Variants in AADAT observed in about 807,000 individuals in gnomAD.
AADAT encodes kynurenine/alpha-aminoadipate aminotransferase, mitochondrial.
AADAT carries 25 observed loss-of-function variants against 56.2 expected under a neutral mutation model. That is an observed-to-expected ratio of 0.44 (90% CI 0.32 to 0.62). The LOEUF (loss-of-function observed/expected upper bound fraction) is 0.62, where lower values mean the gene tolerates loss of function less well. Among genes scored for constraint, AADAT ranks in the 20% least tolerant of loss-of-function variants. The pLI, the probability that AADAT is intolerant of heterozygous loss-of-function variation, is 0.04. For missense variants in AADAT, 387 were observed against 510.5 expected, an observed-to-expected ratio of 0.76 and a Z score of 2.33; for synonymous variants, 173 against 164.7, an observed-to-expected ratio of 1.05 and a Z score of -0.39.
upstream of AADAT, chr4:170,090,628 T>C (rs1167861478): frequency 6.6e-6 from 1 of 152,224 alleles, no homozygotes; most frequent in Non-Finnish European, 1.5e-5. Context: ...AGAATTATGT[T>C]GGAAGTGAAT....
At chr4:170,073,374 A>G (rs371379328) in intron 4 of AADAT, 29 bp from the exon 5 acceptor site, 2 of 1,585,948 alleles carry the variant, frequency 1.3e-6, no homozygotes, top group South Asian at 2.3e-5. Context: ...AGCCTGAGTC[A>G]GTCATGATTA....
At chr4:170,079,759 T>C (rs1349164781) in intron 3 of AADAT, among the ~76,000 whole-genome samples, 7 of 152,128 alleles carry the variant, frequency 4.6e-5, no homozygotes, top group African/African-American at 1.4e-4. Context: ...CAAAAAGCCA[T>C]CCATATCTGA....
chr4:170,073,309 T>G lies in AADAT; in HGVS notation c.481A>C (p.Ser161Arg). ...PLGCNIINVA[S>R]DESGIVPDSL... is the part of the protein sequence containing the mutation. Reference sequence around the variant, plus strand: ...TCTGGAACAATCCCACTTTCATCACTGGCAACATTAATAATGTTGCAGCCC... The same window carrying G: ...TCTGGAACAATCCCACTTTCATCACGGGCAACATTAATAATGTTGCAGCCC... Residue 161 changes from serine (S) to arginine (R), a missense_variant, in exon 5 of 13, where the codon AGT becomes CGT. Transcript: ENST00000337664. 1 of 1,614,072 alleles carries G rather than the reference T, an allele frequency of 6.2e-7. No homozygotes were observed. Among genetic ancestry groups the G allele is most frequent in the Non-Finnish European group, 8.5e-7 (1 of 1,180,034 alleles).
intron 3 of AADAT, among the ~76,000 whole-genome samples, chr4:170,080,508 C>G (rs2622069): frequency 0.55 from 83,092 of 151,878 alleles, 24,223 homozygotes; most frequent in East Asian, 0.97. Context: ...GAGACAAAAT[C>G]GGGAGGCAGG....
chr4:170,087,275 T>C, intron 2 of AADAT, 27 bp from the exon 3 acceptor site: 1 of 1,598,388 alleles, frequency 6.3e-7, no homozygotes, highest in African/African-American at 1.3e-5. Context: ...ATATTTAAAT[T>C]CATAGTAGTA....
rs774605595 is a variant in AADAT at position 170,078,601 on chromosome 4, G to C, written c.370-18C>G. ...TCAAACACCTAACAAAAGAAGCATA[G>C]GTTAGCTTGTTAGTCAGCATAGGTT... is the stretch of plus-strand genomic sequence containing the variant. On this transcript the variant is annotated intron_variant, in intron 3 of 12. Transcript: ENST00000337664. 1.1e-5 allele frequency: 18 copies of C among 1,579,590 alleles called. No homozygotes were observed. The highest frequency in any genetic ancestry group is 1.6e-5 in the Non-Finnish European group (18 of 1,155,676).
chr4:170,076,001 A>G (rs552876070), intron 4 of AADAT, among the ~76,000 whole-genome samples: 1 of 152,352 alleles, frequency 6.6e-6, no homozygotes, highest in East Asian at 1.9e-4. Flanking sequence ...ACTGATGGAC[A>G]CTTGAGTTGC....
intron 3 of AADAT, among the ~76,000 whole-genome samples, chr4:170,084,220 C>T (rs1002339537): frequency 4.0e-5 from 6 of 151,564 alleles, no homozygotes; most frequent in African/African-American, 1.5e-4. Context: ...TTGGTGGTTA[C>T]CAGAGGCTGG....
At chr4:170,082,714 T>A (rs1297958987) in intron 3 of AADAT, among the ~76,000 whole-genome samples, 1 of 151,784 alleles carries the variant, frequency 6.6e-6, no homozygotes, top group Non-Finnish European at 1.5e-5. Flanking sequence ...AGACACACAG[T>A]CTGAAAATGA....
upstream of AADAT, among the ~76,000 whole-genome samples, chr4:170,093,878 A>G (rs1012880922): frequency 2.6e-5 from 4 of 152,348 alleles, no homozygotes; most frequent in Admixed American, 2.6e-4. Flanking sequence ...GATTACAGGC[A>G]TGAGCCAGCG....
rs1367388200 is a variant in AADAT, at chr4:170,087,218, C to T, written c.267G>A (p.Gln89=). The change falls in exon 3 of 13, where the codon CAG becomes CAA. Residue 89 remains glutamine (Q), a synonymous_variant. Transcript: ENST00000337664. The part of the protein sequence containing the change: ...GIPELLSWLK[Q]LQIKLHNPPT... ...GAGGATTATGCAATTTTATTTGTAA[C>T]TGTTTTAGCCAGGACAAAAGCTCTG... The T allele has an allele frequency of 9.9e-6, 16 of 1,613,722 alleles. No homozygotes were observed. The highest frequency in any genetic ancestry group is 1.7e-5 in the Admixed American group (1 of 59,934).
intron 5 of AADAT, among the ~76,000 whole-genome samples, chr4:170,071,584 C>T (rs963926070): frequency 4.6e-5 from 7 of 152,110 alleles, no homozygotes; most frequent in African/African-American, 1.4e-4. Flanking sequence ...GAGAAACCAC[C>T]GGAGGGCTGT....
intron 4 of AADAT, among the ~76,000 whole-genome samples, chr4:170,078,239 A>AT (rs1732130596): frequency 6.6e-6 from 1 of 152,186 alleles, no homozygotes; most frequent in Non-Finnish European, 1.5e-5. Flanking sequence ...ATTGGACATG[A>AT]TTTTGCATAA....
upstream of AADAT, among the ~76,000 whole-genome samples, chr4:170,092,486 G>A (rs1418640946): frequency 6.6e-6 from 1 of 152,150 alleles, no homozygotes; most frequent in Non-Finnish European, 1.5e-5. Flanking sequence ...AACAAACTCT[G>A]GACACACTGA....
In AADAT at chr4:170,064,779, A is replaced by G; in HGVS notation, c.1074T>C (p.Ile358=). 7 of 1,612,120 alleles carry G rather than the reference A, an allele frequency of 4.3e-6. No individual in the cohort carries two copies. Among genetic ancestry groups the G allele is most frequent in the Non-Finnish European group, 5.9e-6 (7 of 1,179,644 alleles). Residue 358 remains isoleucine, a synonymous_variant, in exon 11 of 13, where the codon ATT becomes ATC. Coordinates refer to ENST00000337664, the MANE Select transcript of AADAT (RefSeq NM_016228.4). ...HVPAAGMFLW[I]KVKGINDVKE... ...TTACATCATTAATGCCTTTAACTTT[A>G]ATCCATAAAAACATTCCAGCAGCAG...
chr4:170,089,560 C>T lies in AADAT; in HGVS notation c.67+64G>A. 1.0e-5 allele frequency: 16 copies of T among 1,593,506 alleles called. No individual in the cohort carries two copies. The South Asian group carries it at 1.7e-4, about 17-fold the overall frequency. On this transcript the variant is annotated intron_variant, in intron 1 of 12. Transcript: ENST00000337664. ...ACCAAGCGGTGGCTTGCTAGGGAAC[C>T]CTCCTTAGAGGCTGTGCGAGGAATG...
Position 170,076,590 on chromosome 4 carries a change from T to C in AADAT, c.444+1919A>G, listed in dbSNP as rs1732046026. 4.6e-5 allele frequency among the ~76,000 whole-genome samples: 7 copies of C among 152,192 alleles called. No individual in the cohort carries two copies. The South Asian group carries it at 1.2e-3, about 27-fold the overall frequency. On this transcript the variant is annotated intron_variant, in intron 4 of 12. Coordinates refer to ENST00000337664, the MANE Select transcript of AADAT (RefSeq NM_016228.4). ...TGTTTATCTTTCTGTTGTTGAGTTGTAGGAGTTCTTTATATGTTCTGGTTA... is the reference window on the plus strand; with the variant it reads ...TGTTTATCTTTCTGTTGTTGAGTTGCAGGAGTTCTTTATATGTTCTGGTTA...
At chr4:170,078,641 G>T in intron 3 of AADAT, 58 bp from the exon 4 acceptor site, 2 of 1,227,246 alleles carry the variant, frequency 1.6e-6, no homozygotes, top group Non-Finnish European at 2.3e-6. Context: ...CTGTTTCCAT[G>T]CTCAGAAGCC....
At chr4:170,068,495 A>G (rs1285269008) in intron 8 of AADAT, 96 bp downstream of exon 8, 2 of 865,454 alleles carry the variant, frequency 2.3e-6, no homozygotes, top group East Asian at 2.9e-5. Flanking sequence ...ATGAGTCACT[A>G]AACAGGTTTG....
Sources: allele counts gnomAD v4.1 joint callset (sites outside exome capture counted in the v4.1 genomes callset), GRCh38; gene constraint gnomAD v4.1.1; transcripts MANE v1.5; gene names NCBI Gene and HGNC (gene_info 2026-07-23, HGNC 2026-07-21).